Variants in KCNH8 observed in about 807,000 individuals in gnomAD.
The protein encoded by KCNH8 is potassium voltage-gated channel subfamily H member 8.
Under a neutral mutation model 103.6 loss-of-function variants are expected in KCNH8, and 70 were observed. The ratio of observed to expected loss-of-function variants is 0.68; its 90% confidence interval spans 0.56 to 0.82. The LOEUF (loss-of-function observed/expected upper bound fraction) is 0.82. Ranked by LOEUF, KCNH8 falls within the 40% of genes least tolerant of loss-of-function variation. KCNH8 has a pLI of 0.00. For missense variants in KCNH8, 1,217 were observed against 1,329.9 expected (o/e 0.92, Z 1.32); for synonymous variants, 498 against 489.4 (o/e 1.02, Z -0.23).
intron 3 of KCNH8, among the ~76,000 whole-genome samples, chr3:19,339,465 T>C (rs2065628999): frequency 6.6e-6 from 1 of 151,972 alleles, no homozygotes; most frequent in Non-Finnish European, 1.5e-5. Flanking sequence ...CTTGCTGGAG[T>C]AGTAATTACA....
intron 2 of KCNH8, among the ~76,000 whole-genome samples, chr3:19,265,337 A>G (rs1007746278): frequency 7.9e-5 from 12 of 152,120 alleles, no homozygotes; most frequent in African/African-American, 2.9e-4. Context: ...TTTGTTAAAA[A>G]GTTGCTAAAA....
rs748160540 is a variant in KCNH8, at chr3:19,513,114, G to T, written c.2224G>T (p.Val742Phe). The T allele has an allele frequency of 1.6e-5, 26 of 1,613,822 alleles. No homozygotes were observed. Among genetic ancestry groups the T allele is most frequent in the Non-Finnish European group, 2.1e-5 (25 of 1,179,962 alleles). Residue 742 changes from valine to phenylalanine, a missense_variant, in exon 13 of 16, where the codon GTT (valine) becomes TTT (phenylalanine). Val to Phe is a conservative substitution (Grantham distance 50, BLOSUM62 -1). Around this residue, in one of 3 missense-constraint regions of KCNH8, gnomAD observed 558 missense variants for 495.8 expected, o/e 1.13. Coordinates refer to ENST00000328405, the MANE Select transcript of KCNH8 (RefSeq NM_144633.3). ...GGGATCTTCTTCGCGCAACAAGAAG[G>T]TTGGAAGCAATAAAGCCTACCTGGG... ...TRGSSSRNKK[V>F]GSNKAYLGLS...
intron 7 of KCNH8, among the ~76,000 whole-genome samples, chr3:19,433,722 A>G (rs1227354750): frequency 6.6e-6 from 1 of 152,232 alleles, no homozygotes; most frequent in Non-Finnish European, 1.5e-5. Flanking sequence ...TTTTGTGAGA[A>G]TCAGACTGAC....
rs73819509 is a variant in KCNH8 at position 19,249,726 on chromosome 3, C to T, written c.77-3928C>T. On this transcript the variant is annotated intron_variant, in intron 1 of 15. Coordinates refer to ENST00000328405, the MANE Select transcript of KCNH8 (RefSeq NM_144633.3). ...TATGTCCTAAATATTTAAAAATAGG[C>T]ACTATGTTGCTTGAGGATACATAAG... is the stretch of plus-strand genomic sequence containing the variant. Among the ~76,000 whole-genome samples, 1,252 of 152,090 alleles carry T rather than the reference C, an allele frequency of 8.2e-3. 16 individuals are homozygous for T. Among genetic ancestry groups the T allele is most frequent in the African/African-American group, 0.029 (1,203 of 41,474 alleles).
At chr3:19,447,245 T>C (rs542482007) in intron 8 of KCNH8, among the ~76,000 whole-genome samples, 423 of 152,112 alleles carry the variant, frequency 2.8e-3, no homozygotes, top group Non-Finnish European at 4.0e-3. Context: ...AATGAAAGGC[T>C]ATGAGGACCA....
chr3:19,285,621 T>C (rs1385614207), intron 3 of KCNH8, among the ~76,000 whole-genome samples: 1 of 152,182 alleles, frequency 6.6e-6, no homozygotes, highest in Non-Finnish European at 1.5e-5. Flanking sequence ...CTTCATTTAC[T>C]TCTCATAACT....
Position 19,518,028 on chromosome 3 carries a change from T to A in KCNH8, c.2573T>A (p.Ile858Asn), listed in dbSNP as rs1171524611. The change falls in exon 15 of 16, where the codon ATC becomes AAC. Residue 858 changes from isoleucine (I) to asparagine (N), a missense_variant. Coordinates refer to ENST00000328405, the MANE Select transcript of KCNH8 (RefSeq NM_144633.3). The part of the protein sequence containing the change: ...DPEIGAAVLF[I>N]KAEETKQQIN... Reference sequence around the variant, plus strand: ...GAGATTGGAGCTGCTGTTCTCTTCATCAAAGCAGAGGAGACCAAGCAGCAG... The same window carrying A: ...GAGATTGGAGCTGCTGTTCTCTTCAACAAAGCAGAGGAGACCAAGCAGCAG... The A allele has an allele frequency of 9.9e-6, 16 of 1,612,330 alleles. No homozygotes were observed. Among genetic ancestry groups the A allele is most frequent in the Non-Finnish European group, 1.4e-5 (16 of 1,178,864 alleles).
chr3:19,193,991 G>T (rs1377075616), intron 1 of KCNH8, among the ~76,000 whole-genome samples: 1 of 151,674 alleles, frequency 6.6e-6, no homozygotes, highest in African/African-American at 2.4e-5. Context: ...TTTTGATAAG[G>T]TGTAGAACCG....
At chr3:19,205,342 A>G (rs1410076877) in intron 1 of KCNH8, among the ~76,000 whole-genome samples, 1 of 152,222 alleles carries the variant, frequency 6.6e-6, no homozygotes, top group East Asian at 1.9e-4. Flanking sequence ...GCTTTGGGCA[A>G]GATGAGTTCT....
At chr3:19,243,123 G>T (rs764787920) in intron 1 of KCNH8, among the ~76,000 whole-genome samples, 1 of 152,120 alleles carries the variant, frequency 6.6e-6, no homozygotes, top group Non-Finnish European at 1.5e-5. Flanking sequence ...AGCGTCTGGC[G>T]TATCACAGCT....
chr3:19,498,552 G>C (rs752767998), intron 11 of KCNH8, among the ~76,000 whole-genome samples: 3 of 151,916 alleles, frequency 2.0e-5, no homozygotes, highest in South Asian at 2.1e-4. Context: ...TATTTTCTTT[G>C]ATCGTCTGAA....
At chr3:19,284,025 T>C (rs2064793938) in intron 3 of KCNH8, among the ~76,000 whole-genome samples, 1 of 151,884 alleles carries the variant, frequency 6.6e-6, no homozygotes, top group African/African-American at 2.4e-5. Flanking sequence ...AATTTACCAA[T>C]TGATGGCATG....
intron 1 of KCNH8, among the ~76,000 whole-genome samples, chr3:19,170,803 TATATATA>T (rs1433762029): frequency 1.7e-5 from 2 of 115,976 alleles, no homozygotes; most frequent in South Asian, 5.2e-4. Flanking sequence ...TATATATATA[TATATATA>T]TTTTTTTTTT....
chr3:19,483,766 G>A (rs1471013224), intron 11 of KCNH8, among the ~76,000 whole-genome samples: 1 of 152,102 alleles, frequency 6.6e-6, no homozygotes, highest in Non-Finnish European at 1.5e-5. Flanking sequence ...TGGCCCCATC[G>A]ATTCCTAAGG....
At chr3:19,394,997 A>G (rs2066493035) in intron 6 of KCNH8, 107 bp from the exon 7 acceptor site, 2 of 784,224 alleles carry the variant, frequency 2.6e-6, no homozygotes, top group African/African-American at 1.7e-5. Flanking sequence ...TAATAATATG[A>G]AAATAATTAT....
At chr3:19,383,618 C>A (rs931582785) in intron 5 of KCNH8, among the ~76,000 whole-genome samples, 5 of 152,106 alleles carry the variant, frequency 3.3e-5, no homozygotes, top group African/African-American at 9.7e-5. Flanking sequence ...TGTGATCCAC[C>A]CGCCTTGGCC....
At chr3:19,358,929 G>A (rs2065914177) in intron 5 of KCNH8, among the ~76,000 whole-genome samples, 1 of 151,478 alleles carries the variant, frequency 6.6e-6, no homozygotes, top group Non-Finnish European at 1.5e-5. Flanking sequence ...AAAACCTAAG[G>A]AAATATGAAA....
At chr3:19,482,745 A>G (rs1003431241) in intron 11 of KCNH8, among the ~76,000 whole-genome samples, 5 of 152,194 alleles carry the variant, frequency 3.3e-5, no homozygotes, top group African/African-American at 1.2e-4. Context: ...CTTGTCCTTG[A>G]TCATCTATGT....
intron 1 of KCNH8, among the ~76,000 whole-genome samples, chr3:19,176,360 TA>T (rs1330376435): frequency 6.6e-6 from 1 of 152,162 alleles, no homozygotes; most frequent in African/African-American, 2.4e-5. Context: ...TGAGGCTCTA[TA>T]AACATGAGGT....
Sources: gnomAD v4.1 joint callset for allele counts (sites outside exome capture counted in the v4.1 genomes callset) on GRCh38, gnomAD v4.1.1 for gene constraint, gnomAD v4.1.1 regional missense constraint, MANE v1.5 for transcripts, NCBI Gene and HGNC (gene_info 2026-07-23, HGNC 2026-07-21) for gene names.